Variants in B3GALT1 observed in about 807,000 individuals in gnomAD.
The protein encoded by B3GALT1 is beta-1,3-galactosyltransferase 1.
B3GALT1 carries 10 observed loss-of-function variants against 23.2 expected under a neutral mutation model. The observed-to-expected ratio is 0.43, with a 90% CI of 0.27 to 0.73. The LOEUF is 0.73. B3GALT1 is among the 30% of genes least tolerant of loss of function. The pLI is 0.21. For missense variants in B3GALT1, 299 were observed against 405.4 expected (o/e 0.74, Z 2.25); for synonymous variants, 156 against 141.5 (o/e 1.10, Z -0.73).
chr2:167,776,156 A>G (rs1336015422), intron 3 of B3GALT1, among the ~76,000 whole-genome samples: 1 of 152,106 alleles, frequency 6.6e-6, no homozygotes, highest in African/African-American at 2.4e-5. Flanking sequence ...GCGCTTGTAG[A>G]CCTGGATATG....
At chr2:167,768,837 G>A (rs1304005290) in intron 3 of B3GALT1, among the ~76,000 whole-genome samples, 2 of 152,152 alleles carry the variant, frequency 1.3e-5, no homozygotes, top group South Asian at 2.1e-4. Flanking sequence ...GCTTGATAGC[G>A]ATTATGTGAA....
chr2:167,575,267 T>C (rs1684360836), intron 2 of B3GALT1, among the ~76,000 whole-genome samples: 1 of 151,808 alleles, frequency 6.6e-6, no homozygotes, highest in Non-Finnish European at 1.5e-5. Context: ...ATACTGACTT[T>C]ACAGTCTGGG....
chr2:167,585,153 A>G (rs763273643), intron 2 of B3GALT1, among the ~76,000 whole-genome samples: 6 of 152,228 alleles, frequency 3.9e-5, no homozygotes, highest in Non-Finnish European at 7.3e-5. Context: ...AAAGGATTTT[A>G]GGAACTGTAT....
chr2:167,688,363 C>T (rs540379410), intron 3 of B3GALT1, among the ~76,000 whole-genome samples: 1 of 152,064 alleles, frequency 6.6e-6, no homozygotes, highest in East Asian at 1.9e-4. Context: ...AAGCAGCTGT[C>T]ATAAAAATGC....
chr2:167,771,830 G>A lies in B3GALT1; in HGVS notation c.-351-46842G>A, dbSNP rs114852887. Among the ~76,000 whole-genome samples, 1,310 of 152,244 alleles carry A rather than the reference G, an allele frequency of 8.6e-3. 28 individuals are homozygous for A. The highest frequency in any genetic ancestry group is 0.03 in the African/African-American group (1,251 of 41,540). On this transcript the variant is annotated intron_variant, in intron 3 of 4. Transcript: ENST00000392690. ...GTTGGGATGGGGACGAGGCAGAGGG[G>A]AAATCCTGAAGTGCAGCATCCATGG... is the stretch of plus-strand genomic sequence containing the variant.
intron 2 of B3GALT1, among the ~76,000 whole-genome samples, chr2:167,537,662 T>A (rs1360688351): frequency 2.6e-5 from 4 of 151,992 alleles, no homozygotes; most frequent in Admixed American, 6.6e-5. Flanking sequence ...ATCAGCAAAT[T>A]CCCTCAACTG....
intron 2 of B3GALT1, among the ~76,000 whole-genome samples, chr2:167,498,960 A>G (rs377513165): frequency 6.6e-5 from 10 of 152,304 alleles, no homozygotes; most frequent in African/African-American, 2.2e-4. Flanking sequence ...TCCATTTAAA[A>G]TAATTACAAA....
chr2:167,713,905 T>G, intron 3 of B3GALT1: 2 of 1,580,492 alleles, frequency 1.3e-6, no homozygotes, highest in Middle Eastern at 1.7e-4. Flanking sequence ...CTGGAGGAGG[T>G]TGGGGGAAAG....
chr2:167,832,342 A>C (rs1054728313), intron 4 of B3GALT1, among the ~76,000 whole-genome samples: 10 of 152,250 alleles, frequency 6.6e-5, no homozygotes, highest in African/African-American at 2.4e-4. Context: ...TATTAGCAAA[A>C]GTAGTATTGT....
intron 1 of B3GALT1, among the ~76,000 whole-genome samples, chr2:167,469,172 G>A (rs1316012770): frequency 6.6e-6 from 1 of 152,170 alleles, no homozygotes; most frequent in Non-Finnish European, 1.5e-5. Flanking sequence ...GCAGCATGGT[G>A]TGGTGGTTAA....
intron 1 of B3GALT1, among the ~76,000 whole-genome samples, chr2:167,481,370 T>A (rs1020481733): frequency 1.0e-4 from 15 of 149,582 alleles, no homozygotes; most frequent in South Asian, 4.4e-4. Flanking sequence ...GTTTAGCTTA[T>A]CTCCATAAGC....
intron 2 of B3GALT1, among the ~76,000 whole-genome samples, chr2:167,583,713 T>C (rs1684530697): frequency 6.6e-6 from 1 of 152,232 alleles, no homozygotes; most frequent in Non-Finnish European, 1.5e-5. Flanking sequence ...TCTTAATCAC[T>C]TTACATGTCC....
chr2:167,731,759 G>T (rs1428432504), intron 3 of B3GALT1, among the ~76,000 whole-genome samples: 1 of 152,130 alleles, frequency 6.6e-6, no homozygotes, highest in African/African-American at 2.4e-5. Context: ...TCTGTTTCCT[G>T]TTCCACCGTC....
rs1687495537 is a variant in B3GALT1, at chr2:167,736,588, T to C, written c.-351-82084T>C. Among the ~76,000 whole-genome samples, 3 of 152,274 alleles carry C rather than the reference T, an allele frequency of 2.0e-5. No individual in the cohort carries two copies. The South Asian group carries it at 6.2e-4, about 32-fold the overall frequency. ...AAATTCAGCTAGAATAGATTTCAGA[T>C]GTTAGGACTCCCAGTAGAATTAAAC... On this transcript the variant is annotated intron_variant, in intron 3 of 4. Coordinates refer to ENST00000392690, the MANE Select transcript of B3GALT1 (RefSeq NM_020981.4).
intron 2 of B3GALT1, among the ~76,000 whole-genome samples, chr2:167,597,264 A>T (rs572295288): frequency 2.7e-4 from 41 of 151,694 alleles, no homozygotes; most frequent in Non-Finnish European, 5.7e-4. Context: ...TACAGGCGCC[A>T]GCCACCATGC....
intron 1 of B3GALT1, 40 bp downstream of exon 1, chr2:167,293,374 C>G (rs1292708845): frequency 6.6e-6 from 1 of 152,322 alleles, no homozygotes; most frequent in Non-Finnish European, 1.5e-5. Context: ...GCCCCCGGGA[C>G]GGCTGGCGTG....
At chr2:167,719,997 A>C (rs1687206298) in intron 3 of B3GALT1, among the ~76,000 whole-genome samples, 1 of 152,172 alleles carries the variant, frequency 6.6e-6, no homozygotes, top group African/African-American at 2.4e-5. Flanking sequence ...ATGGGGAGAT[A>C]CAACCGCTGC....
chr2:167,370,471 G>C (rs890787383), intron 1 of B3GALT1, among the ~76,000 whole-genome samples: 1 of 152,168 alleles, frequency 6.6e-6, no homozygotes, highest in Non-Finnish European at 1.5e-5. Flanking sequence ...AGATGATACA[G>C]CCTTGCCCTC....
chr2:167,563,277 G>C (rs1310516338), intron 2 of B3GALT1, among the ~76,000 whole-genome samples: 1 of 145,470 alleles, frequency 6.9e-6, no homozygotes, highest in Admixed American at 6.7e-5. Context: ...CCGGGCAGAG[G>C]GGCTCCTCAC....
Sources: allele counts gnomAD v4.1 joint callset (sites outside exome capture counted in the v4.1 genomes callset), GRCh38; gene constraint gnomAD v4.1.1; transcripts MANE v1.5; gene names NCBI Gene and HGNC (gene_info 2026-07-23, HGNC 2026-07-21).